The following INSYN2B variants were observed in gnomAD, a reference collection of about 807,000 sequenced individuals.
INSYN2B encodes protein INSYN2B.
INSYN2B carries 16 observed loss-of-function variants against 41.2 expected under a neutral mutation model. The observed-to-expected ratio is 0.39, with a 90% confidence interval of 0.26 to 0.59. The LOEUF is 0.59. Among genes scored for constraint, INSYN2B ranks in the 20% least tolerant of loss-of-function variants. The pLI is 0.57. For synonymous variants in INSYN2B, 245 were observed against 244.4 expected (o/e 1.00, Z -0.02); for missense variants, 608 against 646.4 (o/e 0.94, Z 0.64).
In INSYN2B at chr5:169,883,240, G is replaced by A. The variant is rs963717311; in HGVS notation, c.659C>T (p.Ala220Val). The change falls in exon 2 of 4, where the codon GCT (alanine) becomes GTT (valine). Residue 220 changes from alanine to valine, a missense_variant. Ala to Val is a moderately conservative substitution (Grantham distance 64, BLOSUM62 0). Coordinates refer to ENST00000377365, the MANE Select transcript of INSYN2B (RefSeq NM_001129891.3). ...HSPSWEARES[A>V]LSPDRSAEVS... ...TTCAGCTGACCTGTCTGGGCTGAGA[G>A]CAGACTCTCTAGCTTCCCAGGAAGG... The A allele has an allele frequency of 9.8e-5, 152 of 1,551,448 alleles. No individual in the cohort carries two copies. The highest frequency in any genetic ancestry group is 1.3e-4 in the Non-Finnish European group (147 of 1,146,920).
chr5:169,959,652 A>G (rs1777003203), intron 1 of INSYN2B, among the ~76,000 whole-genome samples: 1 of 152,190 alleles, frequency 6.6e-6, no homozygotes, highest in Non-Finnish European at 1.5e-5. Context: ...GTGTTGGACT[A>G]AAGGACTTTA....
rs1170638641 is a variant in INSYN2B at position 169,949,731 on chromosome 5, T to A, written c.-919+30546A>T. Among the ~76,000 whole-genome samples the A allele has an allele frequency of 2.0e-5, 3 of 150,894 alleles. No homozygotes were observed. In the South Asian group the frequency reaches 6.3e-4, roughly 32 times the overall value. On this transcript the variant is annotated intron_variant, in intron 1 of 3. Coordinates refer to ENST00000377365, the MANE Select transcript of INSYN2B (RefSeq NM_001129891.3). ...TCAAAAGGGAACAGAGTAGGAGAGT[T>A]TCTGAGTGTACACAGAGGTGTAGCA...
intron 1 of INSYN2B, among the ~76,000 whole-genome samples, chr5:169,938,307 T>C (rs770805628): frequency 6.6e-6 from 1 of 151,450 alleles, no homozygotes; most frequent in Non-Finnish European, 1.5e-5. Flanking sequence ...CACTTAAGGA[T>C]GGGGATATGT....
At chr5:169,905,531 G>A (rs1282791737) in intron 1 of INSYN2B, among the ~76,000 whole-genome samples, 1 of 152,164 alleles carries the variant, frequency 6.6e-6, no homozygotes, top group Admixed American at 6.5e-5. Flanking sequence ...ACAGTTTGTG[G>A]CAAAATAATT....
intron 1 of INSYN2B, among the ~76,000 whole-genome samples, chr5:169,908,713 C>CTTTTTTTTTTTTTTTTTT (rs34261104): frequency 9.5e-6 from 1 of 105,074 alleles, no homozygotes; most frequent in Non-Finnish European, 1.9e-5. Flanking sequence ...TTTCTTTTTT[C>CTTTTTTTTTTTTTTTTTT]TTTTTTTTTT....
At chr5:169,886,132 T>C (rs917794408) in intron 1 of INSYN2B, among the ~76,000 whole-genome samples, 1 of 152,120 alleles carries the variant, frequency 6.6e-6, no homozygotes, top group African/African-American at 2.4e-5. Flanking sequence ...AAACCCCTCT[T>C]TTTCTTTATA....
At chr5:169,938,432 C>G (rs1228115513) in intron 1 of INSYN2B, among the ~76,000 whole-genome samples, 1 of 152,156 alleles carries the variant, frequency 6.6e-6, no homozygotes, top group Non-Finnish European at 1.5e-5. Flanking sequence ...GCCTATTGCT[C>G]CTACGCTGTA....
In INSYN2B at chr5:169,978,897, T is replaced by C. The variant is rs114723372; in HGVS notation, c.-919+1380A>G. Among the ~76,000 whole-genome samples, 1,122 of 152,316 alleles carry C rather than the reference T, an allele frequency of 7.4e-3. 7 individuals are homozygous for C. Among genetic ancestry groups the C allele is most frequent in the Middle Eastern group, 0.031 (9 of 294 alleles). The stretch of plus-strand genomic sequence containing the variant: ...ATGCTGTGATTCATTAGCCACATTT[T>C]AAACCATCCCAATCGGAGCGAGGTG... On this transcript the variant is annotated intron_variant, in intron 1 of 3. Transcript: ENST00000377365.
At position 169,873,395 on chromosome 5, in the gene INSYN2B, G is replaced by A. The variant is rs564618064; in HGVS notation, c.1421+7973C>T. Among the ~76,000 whole-genome samples the A allele has an allele frequency of 3.3e-5, 5 of 152,340 alleles. No individual in the cohort carries two copies. The South Asian group carries it at 1.0e-3, about 32-fold the overall frequency. ...GCTATTGGTTGTTTTGGAGATGCTC[G>A]AGGGCATTGCTATGACGTTCACGGC... On this transcript the variant is annotated intron_variant, in intron 3 of 3. Coordinates refer to ENST00000377365, the MANE Select transcript of INSYN2B (RefSeq NM_001129891.3).
intron 1 of INSYN2B, among the ~76,000 whole-genome samples, chr5:169,935,078 G>A (rs6895199): frequency 0.3 from 45,254 of 152,018 alleles, 6,563 homozygotes; most frequent in Middle Eastern, 0.37. Flanking sequence ...CACGTGGGCA[G>A]GAAGCTAAGC....
chr5:169,894,521 G>A (rs887072215), intron 1 of INSYN2B, among the ~76,000 whole-genome samples: 1 of 152,158 alleles, frequency 6.6e-6, no homozygotes, highest in African/African-American at 2.4e-5. Flanking sequence ...TCCCACTTCT[G>A]GATCCCTGCC....
At chr5:169,955,745 C>T (rs2113734229) in intron 1 of INSYN2B, among the ~76,000 whole-genome samples, 1 of 152,266 alleles carries the variant, frequency 6.6e-6, no homozygotes, top group Middle Eastern at 3.4e-3. Context: ...GTTTCTTCAT[C>T]TGTGTAATGG....
At chr5:169,932,761 T>C (rs575686608) in intron 1 of INSYN2B, among the ~76,000 whole-genome samples, 14 of 152,334 alleles carry the variant, frequency 9.2e-5, no homozygotes, top group Admixed American at 2.0e-4. Flanking sequence ...GATCCTTTCC[T>C]ATAAATATAC....
chr5:169,934,201 C>G (rs1775883744), intron 1 of INSYN2B, among the ~76,000 whole-genome samples: 1 of 152,172 alleles, frequency 6.6e-6, no homozygotes, highest in African/African-American at 2.4e-5. Context: ...ATGCCACTTG[C>G]TTTATTGTTC....
rs181197900 is a variant in INSYN2B, at chr5:169,954,682, G to T, written c.-919+25595C>A. On this transcript the variant is annotated intron_variant, in intron 1 of 3. Transcript: ENST00000377365. Reference sequence around the variant, plus strand: ...TTTGGTTCTCCAAATGCAGAATCCTGGGCCCTTTCAAACTTGTTGTTGTTG... The same window carrying T: ...TTTGGTTCTCCAAATGCAGAATCCTTGGCCCTTTCAAACTTGTTGTTGTTG... Among the ~76,000 whole-genome samples the T allele has an allele frequency of 2.4e-3, 360 of 152,310 alleles. 1 individual carries two copies. The highest frequency in any genetic ancestry group is 8.2e-3 in the African/African-American group (342 of 41,566).
Position 169,864,867 on chromosome 5 carries a change from TG to T in INSYN2B, c.1422-409del, listed in dbSNP as rs1460111620. Reference sequence around the variant, plus strand: ...CAGCTCAGTTTCATTATCTGTAAAATGGGGGTAATAAGAGCACCTATCTCAA... The same window carrying T: ...CAGCTCAGTTTCATTATCTGTAAAATGGGGTAATAAGAGCACCTATCTCAA... On this transcript the variant is annotated intron_variant, in intron 3 of 3. Coordinates refer to ENST00000377365, the MANE Select transcript of INSYN2B (RefSeq NM_001129891.3). Among the ~76,000 whole-genome samples, 5 of 152,230 alleles carry T rather than the reference TG, an allele frequency of 3.3e-5. No homozygotes were observed. The South Asian group carries it at 1.0e-3, about 32-fold the overall frequency.
chr5:169,911,758 C>A (rs1774610711), intron 1 of INSYN2B, among the ~76,000 whole-genome samples: 2 of 152,044 alleles, frequency 1.3e-5, no homozygotes, highest in Non-Finnish European at 2.9e-5. Context: ...TGTGCAAAAC[C>A]AACACAAGAC....
At chr5:169,948,798 C>T (rs1422564408) in intron 1 of INSYN2B, among the ~76,000 whole-genome samples, 4 of 151,806 alleles carry the variant, frequency 2.6e-5, no homozygotes, top group African/African-American at 7.3e-5. Context: ...TTCTGACACC[C>T]ACTCAGGGCC....
At chr5:169,923,129 T>C (rs1312409600) in intron 1 of INSYN2B, among the ~76,000 whole-genome samples, 1 of 152,196 alleles carries the variant, frequency 6.6e-6, no homozygotes, top group Non-Finnish European at 1.5e-5. Context: ...CTCCAAGGCC[T>C]ATGCTCCTCA....
Sources: allele counts gnomAD v4.1 joint callset (sites outside exome capture counted in the v4.1 genomes callset), GRCh38; gene constraint gnomAD v4.1.1; transcripts MANE v1.5; gene names NCBI Gene and HGNC (gene_info 2026-07-23, HGNC 2026-07-21).